Variants in NMT1 observed in about 807,000 individuals in gnomAD.
NMT1 encodes the protein N-myristoyltransferase 1.
A neutral mutation model predicts 63.4 loss-of-function variants in NMT1; 12 were observed. That is an observed-to-expected ratio of 0.19 (90% CI 0.12 to 0.31). The LOEUF (loss-of-function observed/expected upper bound fraction) is 0.31, where lower values mean the gene tolerates loss of function less well. Among genes scored for constraint, NMT1 ranks in the 10% least tolerant of loss-of-function variants. The pLI is 1.00. For synonymous variants in NMT1, 228 were observed against 234.3 expected, an observed-to-expected ratio of 0.97 and a Z score of 0.25; for missense variants, 432 against 634.6, an observed-to-expected ratio of 0.68 and a Z score of 3.43.
At position 45,107,876 on chromosome 17, in the gene NMT1, C is replaced by G. The variant is rs553298659; in HGVS notation, c.*2237C>G. ...ATCTCCCTCACTGAAACCAGGTGGC[C>G]GGCTCCTCGGACTCTGCTTTATGTT... On this transcript the variant is annotated 3_prime_UTR_variant, in exon 12 of 12. Coordinates refer to ENST00000258960, the MANE Select transcript of NMT1 (RefSeq NM_021079.5). 3.9e-5 allele frequency: 6 copies of G among 152,298 alleles called. No individual in the cohort carries two copies. Among genetic ancestry groups the G allele is most frequent in the African/African-American group, 1.4e-4 (6 of 41,472 alleles). The allele number at this position is 152,298 out of a possible 1,614,324, so 9.4% of individuals were successfully genotyped here.
chr17:45,097,232 A>T lies in NMT1; in HGVS notation c.701A>T (p.His234Leu). ...GFISAIPANI[H>L]IYDTEKKMVE... Reference sequence around the variant, plus strand: ...ATTAGCGCCATCCCAGCAAACATCCATATCTATGACACGTAAGCACCTGCA... The same window carrying T: ...ATTAGCGCCATCCCAGCAAACATCCTTATCTATGACACGTAAGCACCTGCA... Residue 234 changes from histidine (H) to leucine (L), a missense_variant, in exon 6 of 12, where the codon CAT becomes CTT. Physicochemically the swap from His to Leu is moderately conservative, Grantham distance 99 (BLOSUM62 -3). Around this residue, in one of 4 missense-constraint regions of NMT1, gnomAD observed 295 missense variants for 489.7 expected, o/e 0.60. Transcript: ENST00000258960. The T allele has an allele frequency of 6.2e-7, 1 of 1,613,544 alleles. No homozygotes were observed. Among genetic ancestry groups the T allele is most frequent in the Admixed American group, 1.7e-5 (1 of 60,008 alleles).
chr17:45,080,477 T>G (rs1003880547), intron 1 of NMT1, among the ~76,000 whole-genome samples: 6 of 142,896 alleles, frequency 4.2e-5, no homozygotes, highest in Non-Finnish European at 9.1e-5. Flanking sequence ...TTTTTTTTTT[T>G]TTTTTTTTTG....
chr17:45,075,315 C>T (rs1254670438), intron 1 of NMT1, among the ~76,000 whole-genome samples: 1 of 151,848 alleles, frequency 6.6e-6, no homozygotes. Context: ...GAAACCCCGT[C>T]TCTACTAAAA....
At chr17:45,071,812 C>A (rs1340303520) in intron 1 of NMT1, among the ~76,000 whole-genome samples, 1 of 151,844 alleles carries the variant, frequency 6.6e-6, no homozygotes, top group African/African-American at 2.4e-5. Flanking sequence ...GGCACTACTA[C>A]ATCGTGAGAC....
At position 45,061,476 on chromosome 17, in the gene NMT1, G is replaced by A; in HGVS notation, c.131+16G>A. 1.9e-6 allele frequency: 3 copies of A among 1,609,514 alleles called. No individual in the cohort carries two copies. Among genetic ancestry groups the A allele is most frequent in the Non-Finnish European group, 2.5e-6 (3 of 1,177,922 alleles). ...ACAACCGGGGGTAACGAAATCCTCG[G>A]AGTCCAATTCCCGTCCAGCCTCCCA... On this transcript the variant is annotated intron_variant, in intron 1 of 11. Transcript: ENST00000258960.
In NMT1 at chr17:45,096,146, C is replaced by T. The variant is rs780437613; in HGVS notation, c.505-48C>T. ...AGAGCCCCAGGGTATTGGAGTTGGT[C>T]TACTACCTGGCAGAATACCTCCAAG... On this transcript the variant is annotated intron_variant, in intron 4 of 11. Coordinates refer to ENST00000258960, the MANE Select transcript of NMT1 (RefSeq NM_021079.5). 1.1e-5 allele frequency: 16 copies of T among 1,435,792 alleles called. No homozygotes were observed. The South Asian group carries it at 1.7e-4, about 15-fold the overall frequency. 88.9% of individuals were successfully genotyped at this position (1,435,792 alleles called of 1,614,324 possible). A position where few individuals can be genotyped will look rare whatever the true frequency, so the allele number is the denominator to read the frequency against.
At position 45,086,663 on chromosome 17, in the gene NMT1, G is replaced by A; in HGVS notation, c.385+11G>A. 6.3e-7 allele frequency: 1 copy of A among 1,598,130 alleles called. No individual in the cohort carries two copies. Among genetic ancestry groups the A allele is most frequent in the Non-Finnish European group, 8.5e-7 (1 of 1,173,376 alleles). ...CCGTCCCCAAGCTGGGTATGTACAT[G>A]CTTGCTTTCTTTGCCAGGTCAGGGG... On this transcript the variant is annotated intron_variant, in intron 3 of 11. Coordinates refer to ENST00000258960, the MANE Select transcript of NMT1 (RefSeq NM_021079.5).
Position 45,104,566 on chromosome 17 carries a change from T to G in NMT1, c.1333-293T>G. On this transcript the variant is annotated intron_variant, in intron 10 of 11. Coordinates refer to ENST00000258960, the MANE Select transcript of NMT1 (RefSeq NM_021079.5). This position sits in a 1 kb window ranked among gnomAD's most constrained non-coding sequence, Gnocchi z 4.2. ...GGACTCCAGAGAGGACTGTGGAAATTACTAGAGTTTCAGGGAGGCATAACC... is the reference window on the plus strand; with the variant it reads ...GGACTCCAGAGAGGACTGTGGAAATGACTAGAGTTTCAGGGAGGCATAACC... The G allele has an allele frequency of 1.7e-6, 2 of 1,194,874 alleles. No homozygotes were observed. The highest frequency in any genetic ancestry group is 4.9e-5 in the South Asian group (2 of 41,144). 74.0% of individuals were successfully genotyped at this position (1,194,874 alleles called of 1,614,324 possible). A position where few individuals can be genotyped will look rare whatever the true frequency, so the allele number is the denominator to read the frequency against.
At chr17:45,087,501 G>A (rs1208326901) in intron 3 of NMT1, among the ~76,000 whole-genome samples, 2 of 152,196 alleles carry the variant, frequency 1.3e-5, no homozygotes, top group African/African-American at 4.8e-5. Context: ...ATATCTAAAA[G>A]GATTCTGGAA....
At chr17:45,075,638 A>G (rs8074938) in intron 1 of NMT1, among the ~76,000 whole-genome samples, 110,921 of 151,798 alleles carry the variant, frequency 0.73, 41,497 homozygotes, top group African/African-American at 0.9. Flanking sequence ...AAAATTAGCC[A>G]GGCATGGTGG....
chr17:45,062,217 A>G (rs1321336890), intron 1 of NMT1, among the ~76,000 whole-genome samples: 2 of 152,162 alleles, frequency 1.3e-5, no homozygotes, highest in Non-Finnish European at 2.9e-5. Context: ...ATTAGTTACT[A>G]TTTGTTCCTA....
rs752735481 is a variant in NMT1 at position 45,098,382 on chromosome 17, A to C, written c.714A>C (p.Thr238=). Residue 238 remains threonine (T), a splice_region_variant and synonymous_variant, in exon 7 of 12, where the codon ACA becomes ACC. Coordinates refer to ENST00000258960, the MANE Select transcript of NMT1 (RefSeq NM_021079.5). ...TCACCTGGATTTTTCCCCCTCTTAG[A>C]GAGAAGAAGATGGTAGAGATCAACT... The part of the protein sequence containing the change: ...AIPANIHIYD[T]EKKMVEINFL... The C allele has an allele frequency of 1.9e-6, 3 of 1,613,220 alleles. No individual in the cohort carries two copies. The highest frequency in any genetic ancestry group is 1.7e-6 in the Non-Finnish European group (2 of 1,179,522).
intron 3 of NMT1, among the ~76,000 whole-genome samples, chr17:45,093,357 G>A (rs1238986285): frequency 6.6e-6 from 1 of 152,254 alleles, no homozygotes. Context: ...GGCCCTGACA[G>A]CACTCTTTAC....
chr17:45,104,769 A>T lies in NMT1; in HGVS notation c.1333-90A>T. 1 of 1,572,762 alleles carries T rather than the reference A, an allele frequency of 6.4e-7. No individual in the cohort carries two copies. On this transcript the variant is annotated intron_variant, in intron 10 of 11. Transcript: ENST00000258960. This position sits in a 1 kb window ranked among gnomAD's most constrained non-coding sequence, Gnocchi z 4.2. ...GAACCTTGTTCTTGTGGCTGCCCACAGGACAGCTTTGAAATGGCAGCAAAG... is the reference window on the plus strand; with the variant it reads ...GAACCTTGTTCTTGTGGCTGCCCACTGGACAGCTTTGAAATGGCAGCAAAG...
intron 7 of NMT1, chr17:45,098,782 C>T: frequency 2.1e-6 from 1 of 476,066 alleles, no homozygotes; most frequent in Non-Finnish European, 3.8e-6. Context: ...CTCTTGGTGT[C>T]TGCTGGCTGC....
At chr17:45,096,117 G>C in intron 4 of NMT1, 77 bp from the exon 5 acceptor site, 1 of 1,047,998 alleles carries the variant, frequency 9.5e-7, no homozygotes, top group South Asian at 1.3e-5. Context: ...CTTCTGAAAA[G>C]CCTAGAGCCC....
At chr17:45,069,079 G>A (rs1175966494) in intron 1 of NMT1, among the ~76,000 whole-genome samples, 7 of 151,740 alleles carry the variant, frequency 4.6e-5, no homozygotes, top group African/African-American at 1.7e-4. Flanking sequence ...TCCTGCGTCA[G>A]CCTCCTAAGT....
intron 1 of NMT1, among the ~76,000 whole-genome samples, chr17:45,074,874 A>G (rs1483762739): frequency 1.3e-5 from 2 of 152,234 alleles, no homozygotes; most frequent in African/African-American, 4.8e-5. Flanking sequence ...GAATCGCAGC[A>G]TGCCCTAGGA....
intron 6 of NMT1, 26 bp from the exon 7 acceptor site, chr17:45,098,356 G>A (rs774966686): frequency 1.9e-6 from 3 of 1,607,266 alleles, no homozygotes; most frequent in African/African-American, 1.3e-5. Flanking sequence ...TAAAAACCTT[G>A]TCACCTGGAT....
Sources: allele counts gnomAD v4.1 joint callset (sites outside exome capture counted in the v4.1 genomes callset), GRCh38; gene constraint gnomAD v4.1.1; regional missense constraint gnomAD v4.1.1; non-coding constraint Gnocchi (gnomAD v3.1); transcripts MANE v1.5; gene names NCBI Gene and HGNC (gene_info 2026-07-23, HGNC 2026-07-21).